CEP112: variants seen among roughly 807,000 people sequenced by gnomAD.
CEP112 encodes the protein centrosomal protein of 112 kDa.
In CEP112, 127 loss-of-function variants were observed where a neutral mutation model predicts 153.0. The observed-to-expected ratio is 0.83, with a 90% CI of 0.72 to 0.96. The LOEUF (loss-of-function observed/expected upper bound fraction) is 0.96. Ranked by LOEUF, CEP112 falls within the 40% of genes least tolerant of loss-of-function variation. The pLI is 0.00. For synonymous variants in CEP112, 358 were observed against 374.4 expected, an observed-to-expected ratio of 0.96 and a Z score of 0.51; for missense variants, 1,089 against 1,101.2, an observed-to-expected ratio of 0.99 and a Z score of 0.16.
At chr17:65,698,480 C>T (rs1428765151) in intron 23 of CEP112, among the ~76,000 whole-genome samples, 1 of 152,092 alleles carries the variant, frequency 6.6e-6, no homozygotes, top group African/African-American at 2.4e-5. Flanking sequence ...TTAATGTTTC[C>T]TGGTCTTAAC....
chr17:66,085,834 G>A (rs1339610773), intron 8 of CEP112, among the ~76,000 whole-genome samples: 5 of 152,036 alleles, frequency 3.3e-5, no homozygotes, highest in East Asian at 3.9e-4. Flanking sequence ...AAAAATAGCC[G>A]GGCATGGTGG....
At chr17:65,718,917 C>G (rs1376585688) in intron 23 of CEP112, among the ~76,000 whole-genome samples, 1 of 152,046 alleles carries the variant, frequency 6.6e-6, no homozygotes, top group Non-Finnish European at 1.5e-5. Flanking sequence ...TAATTTGCAT[C>G]AGAGAGAGGT....
chr17:65,798,356 C>T (rs1233539636), intron 21 of CEP112, among the ~76,000 whole-genome samples: 1 of 152,118 alleles, frequency 6.6e-6, no homozygotes, highest in African/African-American at 2.4e-5. Context: ...TGGGGAAAGG[C>T]TAGCTGGCTG....
intron 20 of CEP112, among the ~76,000 whole-genome samples, chr17:65,857,916 T>C (rs2058179423): frequency 6.6e-6 from 1 of 152,230 alleles, no homozygotes. Flanking sequence ...TATTTCAATT[T>C]TTCTGATGGT....
chr17:66,148,046 A>G (rs2070997757), intron 4 of CEP112, among the ~76,000 whole-genome samples: 1 of 152,214 alleles, frequency 6.6e-6, no homozygotes, highest in Non-Finnish European at 1.5e-5. Context: ...CACACTGCTG[A>G]TAAAGACATA....
At chr17:66,114,452 T>A (rs1389772490) in intron 6 of CEP112, among the ~76,000 whole-genome samples, 1 of 152,152 alleles carries the variant, frequency 6.6e-6, no homozygotes, top group African/African-American at 2.4e-5. Flanking sequence ...TTATCTGATA[T>A]ACTATCTTAG....
At chr17:65,704,278 C>A (rs1414233906) in intron 23 of CEP112, among the ~76,000 whole-genome samples, 1 of 152,086 alleles carries the variant, frequency 6.6e-6, no homozygotes, top group Non-Finnish European at 1.5e-5. Flanking sequence ...GACTTGTGGC[C>A]TCTAGAACTG....
intron 21 of CEP112, among the ~76,000 whole-genome samples, chr17:65,762,387 A>C (rs2052666875): frequency 6.6e-6 from 1 of 151,972 alleles, no homozygotes; most frequent in African/African-American, 2.4e-5. Flanking sequence ...CCACTCTGAC[A>C]ATCTCTGCCT....
At chr17:66,047,276 C>A in intron 12 of CEP112, among the ~76,000 whole-genome samples, 1 of 152,010 alleles carries the variant, frequency 6.6e-6, no homozygotes. Context: ...GCCACCATGC[C>A]CGGCTAATTT....
intron 6 of CEP112, among the ~76,000 whole-genome samples, chr17:66,101,391 G>A (rs1175627262): frequency 6.6e-6 from 1 of 151,946 alleles, no homozygotes; most frequent in Non-Finnish European, 1.5e-5. Context: ...GGTCCATTCA[G>A]TAGACTCTAT....
chr17:65,981,962 CAT>C (rs2063243522), intron 17 of CEP112, among the ~76,000 whole-genome samples: 1 of 152,032 alleles, frequency 6.6e-6, no homozygotes, highest in Non-Finnish European at 1.5e-5. Flanking sequence ...GCAATACTGA[CAT>C]AGTAAAAATG....
intron 19 of CEP112, chr17:65,913,432 T>C: frequency 2.2e-6 from 2 of 892,358 alleles, no homozygotes; most frequent in Non-Finnish European, 1.3e-6. Context: ...GCACAGAAAA[T>C]ACTACAATCT....
chr17:65,965,844 GTCAAT>G (rs1238808235), intron 17 of CEP112, among the ~76,000 whole-genome samples: 7 of 152,080 alleles, frequency 4.6e-5, no homozygotes, highest in Non-Finnish European at 1.0e-4. Context: ...AATTAAATCT[GTCAAT>G]TCAAATAAAG....
chr17:65,846,801 C>T (rs984537249), intron 21 of CEP112, among the ~76,000 whole-genome samples: 3 of 152,136 alleles, frequency 2.0e-5, no homozygotes, highest in Non-Finnish European at 4.4e-5. Flanking sequence ...GATCTCCTGA[C>T]CTTGTGATTC....
chr17:65,957,467 T>C (rs2062040907), intron 18 of CEP112, among the ~76,000 whole-genome samples: 1 of 152,190 alleles, frequency 6.6e-6, no homozygotes, highest in East Asian at 1.9e-4. Flanking sequence ...TTGTCCAGTT[T>C]ATTGACTTGT....
rs542765163 is a variant in CEP112, at chr17:66,118,851, C to T, written c.642+10895G>A. Among the ~76,000 whole-genome samples the T allele has an allele frequency of 4.8e-4, 72 of 151,218 alleles. No individual in the cohort carries two copies. The Admixed American group carries it at 4.8e-3, about 10-fold the overall frequency. ...CCATAAATATGAACTAATATGTATC[C>T]ATAATTAAAAATTTTAAAATAACAA... On this transcript the variant is annotated intron_variant, in intron 6 of 26. Coordinates refer to ENST00000535342, the MANE Select transcript of CEP112 (RefSeq NM_001199165.4).
chr17:66,069,757 T>C (rs1459661266), intron 9 of CEP112, among the ~76,000 whole-genome samples, 158 bp downstream of exon 9: 2 of 152,122 alleles, frequency 1.3e-5, no homozygotes, highest in Non-Finnish European at 2.9e-5. Flanking sequence ...TTTGCTGGGA[T>C]ATTAGTTTAG....
chr17:66,055,705 G>A lies in CEP112; in HGVS notation c.1075-1826C>T, dbSNP rs9904822. Among the ~76,000 whole-genome samples, 813 of 152,170 alleles carry A rather than the reference G, an allele frequency of 5.3e-3. 9 individuals are homozygous for A. Among genetic ancestry groups the A allele is most frequent in the African/African-American group, 0.019 (782 of 41,504 alleles). ...TGTCTTCCACAGTTGTTTTATAAAG[G>A]GACCGTCGCTGTCGGAGGGGTGGCT... On this transcript the variant is annotated intron_variant, in intron 11 of 26. Transcript: ENST00000535342.
intron 1 of CEP112, among the ~76,000 whole-genome samples, chr17:66,185,251 T>C (rs1482452944): frequency 6.6e-6 from 1 of 152,226 alleles, no homozygotes; most frequent in African/African-American, 2.4e-5. Flanking sequence ...GACAGAGTCT[T>C]GCTCTGTTCT....
Sources: gnomAD v4.1 joint callset for allele counts (sites outside exome capture counted in the v4.1 genomes callset) on GRCh38, gnomAD v4.1.1 for gene constraint, MANE v1.5 for transcripts, NCBI Gene and HGNC (gene_info 2026-07-23, HGNC 2026-07-21) for gene names.